Variants in QTMAN observed in about 807,000 individuals in gnomAD.
The protein encoded by QTMAN is queuosine-tRNA mannosyltransferase, also known as tRNA-queuosine alpha-mannosyltransferase.
At chr2:144,029,084 A>G in the QTMAN span, among the ~76,000 whole-genome samples, 151,655 of 152,326 alleles carry the variant, frequency 1, 75,498 homozygotes, top group East Asian at 1. Context: ...TGAGCCTTTT[A>G]TTTTTCACTT....
the QTMAN span, among the ~76,000 whole-genome samples, chr2:144,133,146 TATATA>T: frequency 8.3e-4 from 44 of 53,210 alleles, no homozygotes; most frequent in African/African-American, 2.1e-3. Context: ...TATATATATA[TATATA>T]ATATAATATA....
At chr2:144,179,295 CA>C in the QTMAN span, among the ~76,000 whole-genome samples, 1 of 152,066 alleles carries the variant, frequency 6.6e-6, no homozygotes, top group African/African-American at 2.4e-5. Context: ...GAAAAGTGGC[CA>C]AACTTTGCAC....
the QTMAN span, among the ~76,000 whole-genome samples, chr2:144,063,090 TGA>T: frequency 6.6e-6 from 1 of 152,186 alleles, no homozygotes. Context: ...TCTCTATTTA[TGA>T]GGCTACCCTG....
At chr2:144,043,157 G>A in the QTMAN span, among the ~76,000 whole-genome samples, 2 of 151,870 alleles carry the variant, frequency 1.3e-5, no homozygotes, top group Non-Finnish European at 2.9e-5. Flanking sequence ...TGAAATGACC[G>A]CAGTTTGGAG....
chr2:144,031,720 A>C, the QTMAN span, among the ~76,000 whole-genome samples: 1 of 152,172 alleles, frequency 6.6e-6, no homozygotes, highest in Non-Finnish European at 1.5e-5. Context: ...TATGCAGTTT[A>C]TGAAATTTTT....
chr2:144,215,999 C>A, the QTMAN span, among the ~76,000 whole-genome samples: 1 of 152,172 alleles, frequency 6.6e-6, no homozygotes, highest in Admixed American at 6.6e-5. Context: ...CCCTTCCTTT[C>A]TCTTCACTAC....
the QTMAN span, among the ~76,000 whole-genome samples, chr2:144,107,589 C>A: frequency 3.1e-4 from 47 of 152,198 alleles, no homozygotes; most frequent in African/African-American, 9.4e-4. Flanking sequence ...CAATAACAGG[C>A]TCTGAAATTG....
the QTMAN span, among the ~76,000 whole-genome samples, chr2:144,293,271 G>A: frequency 6.6e-6 from 1 of 152,122 alleles, no homozygotes; most frequent in African/African-American, 2.4e-5. Context: ...CATAGAGAAA[G>A]AATGGCTACA....
At chr2:144,004,805 T>C in the QTMAN span, among the ~76,000 whole-genome samples, 1 of 151,988 alleles carries the variant, frequency 6.6e-6, no homozygotes, top group South Asian at 2.1e-4. Flanking sequence ...TGGCACAATA[T>C]TGCCAGTCAT....
chr2:144,323,049 A>T, the QTMAN span, among the ~76,000 whole-genome samples: 2 of 152,208 alleles, frequency 1.3e-5, no homozygotes, highest in Non-Finnish European at 2.9e-5. Context: ...ACAAACTGTC[A>T]GTTGTTTTCC....
chr2:144,031,171 G>A, the QTMAN span, among the ~76,000 whole-genome samples: 1 of 151,522 alleles, frequency 6.6e-6, no homozygotes, highest in South Asian at 2.1e-4. Flanking sequence ...ATTGATCTGG[G>A]ATGGGGCCTG....
At chr2:144,187,418 C>G in the QTMAN span, among the ~76,000 whole-genome samples, 1 of 152,132 alleles carries the variant, frequency 6.6e-6, no homozygotes, top group Non-Finnish European at 1.5e-5. Flanking sequence ...AGAGCCAGAA[C>G]TCACTTACTC....
chr2:144,306,777 T>TG, the QTMAN span, among the ~76,000 whole-genome samples: 1 of 152,072 alleles, frequency 6.6e-6, no homozygotes, highest in Admixed American at 6.6e-5. Flanking sequence ...TAAAACTCCA[T>TG]GAAAAAATGG....
chr2:144,266,971 T>A, the QTMAN span, among the ~76,000 whole-genome samples: 1 of 151,952 alleles, frequency 6.6e-6, no homozygotes, highest in Admixed American at 6.6e-5. Context: ...ACATTAGAGG[T>A]ATTGGAAGGT....
At chr2:144,263,354 G>A in the QTMAN span, among the ~76,000 whole-genome samples, 11 of 152,058 alleles carry the variant, frequency 7.2e-5, no homozygotes, top group Non-Finnish European at 4.4e-5. Flanking sequence ...GGAAAACATC[G>A]TTCAGGTGAA....
At chr2:144,115,747 G>A in the QTMAN span, among the ~76,000 whole-genome samples, 8 of 152,134 alleles carry the variant, frequency 5.3e-5, no homozygotes, top group Non-Finnish European at 1.0e-4. Context: ...TGTCTTCTCT[G>A]TTATACACAG....
At chr2:144,175,524 T>G in the QTMAN span, among the ~76,000 whole-genome samples, 3 of 152,118 alleles carry the variant, frequency 2.0e-5, no homozygotes, top group Non-Finnish European at 1.5e-5. Flanking sequence ...ACCCTCCAAA[T>G]AAGGCACTAA....
the QTMAN span, chr2:143,940,830 AAT>A: frequency 1.3e-5 from 2 of 152,254 alleles, no homozygotes; most frequent in South Asian, 2.1e-4. Context: ...TTCGAAAGGC[AAT>A]AGAGAAGAGT....
At chr2:144,067,263 C>T in the QTMAN span, among the ~76,000 whole-genome samples, 1 of 152,184 alleles carries the variant, frequency 6.6e-6, no homozygotes, top group African/African-American at 2.4e-5. Context: ...TTTGCTATTT[C>T]TAATACAGTA....
Sources: allele counts gnomAD v4.1 joint callset (sites outside exome capture counted in the v4.1 genomes callset), GRCh38; gene constraint gnomAD v4.1.1; transcripts MANE v1.5; gene names NCBI Gene and HGNC (gene_info 2026-07-23, HGNC 2026-07-21).